Variants in TENT2 observed in about 807,000 individuals in gnomAD.
The protein encoded by TENT2 is terminal nucleotidyltransferase 2.
TENT2 carries 44 observed loss-of-function variants against 72.2 expected under a neutral mutation model. The ratio of observed to expected loss-of-function variants is 0.61; its 90% confidence interval spans 0.48 to 0.78. TENT2 has a LOEUF of 0.78. Among genes scored for constraint, TENT2 ranks in the 30% least tolerant of loss-of-function variants. The pLI is 0.00. For missense variants in TENT2, 541 were observed against 569.6 expected, an observed-to-expected ratio of 0.95 and a Z score of 0.51; for synonymous variants, 212 against 192.5, an observed-to-expected ratio of 1.10 and a Z score of -0.84.
intron 4 of TENT2, among the ~76,000 whole-genome samples, chr5:79,638,351 T>G (rs1277145583): frequency 6.6e-6 from 1 of 152,174 alleles, no homozygotes; most frequent in Non-Finnish European, 1.5e-5. Flanking sequence ...GTTTTCATAT[T>G]CATATGTCCA....
chr5:79,656,887 A>C, intron 10 of TENT2, 71 bp from the exon 11 acceptor site: 1 of 1,121,394 alleles, frequency 8.9e-7, no homozygotes, highest in African/African-American at 1.6e-5. Flanking sequence ...CCTGGGATGT[A>C]GCTGACAAAT....
At position 79,641,182 on chromosome 5, in the gene TENT2, G is replaced by T; in HGVS notation, c.658G>T (p.Val220Phe). The T allele has an allele frequency of 6.4e-7, 1 of 1,574,332 alleles. No individual in the cohort carries two copies. Among genetic ancestry groups the T allele is most frequent in the Non-Finnish European group, 8.6e-7 (1 of 1,167,844 alleles). Residue 220 changes from valine (V) to phenylalanine (F), a missense_variant, in exon 6 of 15, where the codon GTT (valine) becomes TTT (phenylalanine). By Grantham distance (50) the Val-to-Phe change is conservative (BLOSUM62 -1). Coordinates refer to ENST00000453514, the MANE Select transcript of TENT2 (RefSeq NM_001114394.3). ...RSSDGDLCLVVKEEPCFFQVN... is the reference protein window; with the variant it reads ...RSSDGDLCLVFKEEPCFFQVN... ...CAGTGATGGTGATTTATGCCTAGTT[G>T]TTAAGGAAGAACCAGTAAGTAAGGA...
chr5:79,675,622 G>A (rs1484640245), intron 12 of TENT2, among the ~76,000 whole-genome samples: 2 of 152,178 alleles, frequency 1.3e-5, no homozygotes, highest in Non-Finnish European at 2.9e-5. Flanking sequence ...GGAAAGAATT[G>A]GGGAGTAGAT....
intron 4 of TENT2, among the ~76,000 whole-genome samples, chr5:79,630,413 ATC>A (rs1363307057): frequency 2.6e-5 from 4 of 152,132 alleles, no homozygotes; most frequent in African/African-American, 9.7e-5. Flanking sequence ...GCAAAACTCC[ATC>A]TCTTTTAAAC....
At chr5:79,632,730 AGTTAT>A (rs1000531761) in intron 4 of TENT2, among the ~76,000 whole-genome samples, 2 of 152,184 alleles carry the variant, frequency 1.3e-5, no homozygotes, top group Non-Finnish European at 2.9e-5. Context: ...GTTTGGGGAT[AGTTAT>A]CTTACAGATC....
chr5:79,658,079 T>G (rs970772395), intron 11 of TENT2, among the ~76,000 whole-genome samples: 2 of 152,234 alleles, frequency 1.3e-5, no homozygotes, highest in Admixed American at 6.5e-5. Context: ...TAATAAACGT[T>G]CATTTTAATA....
chr5:79,683,365 CT>C (rs1392383799), intron 14 of TENT2, among the ~76,000 whole-genome samples: 6 of 151,834 alleles, frequency 4.0e-5, no homozygotes, highest in African/African-American at 1.5e-4. Context: ...CACCCCACCC[CT>C]GGGTGTAGTG....
At chr5:79,673,187 C>T (rs1814369293) in intron 12 of TENT2, among the ~76,000 whole-genome samples, 2 of 152,118 alleles carry the variant, frequency 1.3e-5, no homozygotes, top group Admixed American at 6.5e-5. Context: ...ATATATTCTG[C>T]CTATTAATCC....
chr5:79,619,016 T>C (rs1013013878), intron 1 of TENT2, among the ~76,000 whole-genome samples: 2 of 152,212 alleles, frequency 1.3e-5, no homozygotes, highest in Non-Finnish European at 2.9e-5. Context: ...CTGCAAAGAA[T>C]AAATATCTAC....
At chr5:79,618,745 A>C (rs1762448464) in intron 1 of TENT2, among the ~76,000 whole-genome samples, 1 of 152,096 alleles carries the variant, frequency 6.6e-6, no homozygotes, top group Non-Finnish European at 1.5e-5. Context: ...GGGCCTGTCA[A>C]CTAGTTGGCT....
At chr5:79,672,292 G>C (rs1441351828) in intron 12 of TENT2, among the ~76,000 whole-genome samples, 1 of 152,040 alleles carries the variant, frequency 6.6e-6, no homozygotes. Flanking sequence ...ATCACCTCAA[G>C]CATTTATCGT....
intron 4 of TENT2, among the ~76,000 whole-genome samples, chr5:79,636,133 A>G (rs1368059173): frequency 6.6e-6 from 1 of 152,188 alleles, no homozygotes; most frequent in East Asian, 1.9e-4. Flanking sequence ...TCCTTCAAGT[A>G]TCATGTAAAA....
intron 13 of TENT2, among the ~76,000 whole-genome samples, chr5:79,681,150 A>ATTTTTTTTTTTTTTTTTT (rs1158559796): frequency 6.7e-5 from 3 of 44,738 alleles, no homozygotes; most frequent in Admixed American, 2.9e-4. Flanking sequence ...CTTTTCTTTG[A>ATTTTTTTTTTTTTTTTTT]TTTTTTTTTT....
chr5:79,626,885 A>G (rs1375839132), intron 4 of TENT2, among the ~76,000 whole-genome samples: 2 of 151,950 alleles, frequency 1.3e-5, no homozygotes, highest in African/African-American at 4.8e-5. Flanking sequence ...TAATCCCAGC[A>G]CTTTGGGAGG....
At chr5:79,638,506 T>C (rs182088504) in intron 4 of TENT2, among the ~76,000 whole-genome samples, 235 of 152,334 alleles carry the variant, frequency 1.5e-3, no homozygotes, top group African/African-American at 5.5e-3. Context: ...GATCTTTCTG[T>C]GGTCCCCTTG....
intron 4 of TENT2, among the ~76,000 whole-genome samples, chr5:79,625,004 C>T (rs150408730): frequency 3.9e-5 from 6 of 152,182 alleles, no homozygotes; most frequent in Admixed American, 1.3e-4. Flanking sequence ...CATTTTGCAT[C>T]CTATCAACAG....
intron 7 of TENT2, among the ~76,000 whole-genome samples, chr5:79,643,425 A>G (rs1209875173): frequency 6.6e-6 from 1 of 152,224 alleles, no homozygotes; most frequent in African/African-American, 2.4e-5. Context: ...CTTTTTGAAT[A>G]CACTGACTCT....
At chr5:79,617,828 G>T (rs1429537015) in intron 1 of TENT2, among the ~76,000 whole-genome samples, 1 of 152,078 alleles carries the variant, frequency 6.6e-6, no homozygotes, top group African/African-American at 2.4e-5. Context: ...ATTTCTTGCC[G>T]TTTGTTTATA....
Position 79,657,438 on chromosome 5 carries a change from C to G in TENT2, c.1071+437C>G, listed in dbSNP as rs574970745. ...TTGGACAATTGGATAATCTTTCTAT[C>G]TTTAATTTGATCTTGCTAAGTAATA... On this transcript the variant is annotated intron_variant, in intron 11 of 14. Coordinates refer to ENST00000453514, the MANE Select transcript of TENT2 (RefSeq NM_001114394.3). Among the ~76,000 whole-genome samples the G allele has an allele frequency of 1.1e-4, 16 of 152,192 alleles. No individual in the cohort carries two copies. In the East Asian group the frequency reaches 3.1e-3, roughly 29 times the overall value.
Sources: allele counts gnomAD v4.1 joint callset (sites outside exome capture counted in the v4.1 genomes callset), GRCh38; gene constraint gnomAD v4.1.1; transcripts MANE v1.5; gene names NCBI Gene and HGNC (gene_info 2026-07-23, HGNC 2026-07-21).